The following CRELD2 variants were observed in gnomAD, a reference collection of about 807,000 sequenced individuals.
The protein encoded by CRELD2 is CRELD disulfide isomerase 2.
In CRELD2, 33 loss-of-function variants were observed where a neutral mutation model predicts 48.1. That is an observed-to-expected ratio of 0.69 (90% confidence interval 0.52 to 0.92). The LOEUF (loss-of-function observed/expected upper bound fraction) is 0.92. CRELD2 is among the 40% of genes least tolerant of loss of function. The pLI is 0.00. For synonymous variants in CRELD2, 220 were observed against 203.9 expected, an observed-to-expected ratio of 1.08 and a Z score of -0.67; for missense variants, 477 against 482.4, an observed-to-expected ratio of 0.99 and a Z score of 0.10.
At chr22:49,926,623 C>CCCCTCTTGCCCCTCCCTCCCCCCACCCCG (rs2060767435) in intron 9 of CRELD2, 2 of 83,082 alleles carry the variant, frequency 2.4e-5, no homozygotes, top group Non-Finnish European at 5.1e-5. Context: ...CCCCCACCCT[C>CCCCTCTTGCCCCTCCCTCCCCCCACCCCG]GGTCCCCTCT....
rs201724572 is a variant in CRELD2, at chr22:49,922,579, G to A, written c.593-33G>A. Reference sequence around the variant, plus strand: ...GTCCCCAAGCTGGTACCTGAGAGTGGGGTTTGTACCCAGGCCCGCCTTTGC... The same window carrying A: ...GTCCCCAAGCTGGTACCTGAGAGTGAGGTTTGTACCCAGGCCCGCCTTTGC... On this transcript the variant is annotated intron_variant, in intron 5 of 9. Transcript: ENST00000328268. The A allele has an allele frequency of 1.7e-3, 2,537 of 1,506,664 alleles. 4 individuals carry two copies. The highest frequency in any genetic ancestry group is 2.1e-3 in the Non-Finnish European group (2,373 of 1,116,456). 93.3% of individuals were successfully genotyped at this position (1,506,664 alleles called of 1,614,324 possible).
In CRELD2 at chr22:49,922,090, C is replaced by T. The variant is rs1210335225; in HGVS notation, c.592+329C>T. On this transcript the variant is annotated intron_variant, in intron 5 of 9. Transcript: ENST00000328268. ...GTGGGCCCCGCACCGGCCCAGAGAG[C>T]AGCATCTGTCAAATCCCTGCAGGCC... 7.8e-6 allele frequency: 5 copies of T among 643,254 alleles called. No individual in the cohort carries two copies. In the East Asian group the frequency reaches 1.1e-4, roughly 14 times the overall value. The allele number at this position is 643,254 out of a possible 1,614,324, so 39.8% of individuals were successfully genotyped here. A position where few individuals can be genotyped will look rare whatever the true frequency, so the allele number is the denominator to read the frequency against.
intron 6 of CRELD2, 172 bp from the exon 7 acceptor site, chr22:49,923,062 G>A (rs1286017008): frequency 3.3e-5 from 20 of 600,662 alleles, no homozygotes; most frequent in East Asian, 8.5e-5. Context: ...CTCCCCTGCC[G>A]CGTGGGGCCT....
intron 4 of CRELD2, 23 bp from the exon 5 acceptor site, chr22:49,921,562 G>A: frequency 6.2e-7 from 1 of 1,607,622 alleles, no homozygotes; most frequent in Non-Finnish European, 8.5e-7. Flanking sequence ...TGTGCTCTGA[G>A]CATGGTTTTG....
At chr22:49,923,461 G>T in intron 7 of CRELD2, 144 bp downstream of exon 7, 1 of 729,516 alleles carries the variant, frequency 1.4e-6, no homozygotes, top group Non-Finnish European at 2.4e-6. Flanking sequence ...TAAGTCATAG[G>T]TATTTGCTGC....
intron 2 of CRELD2, among the ~76,000 whole-genome samples, 154 bp from the exon 3 acceptor site, chr22:49,919,576 C>T (rs996977677): frequency 2.7e-5 from 4 of 150,824 alleles, no homozygotes; most frequent in Admixed American, 6.5e-5. Flanking sequence ...TTGTGGGAAC[C>T]GCTCCTGGCT....
intron 8 of CRELD2, chr22:49,925,171 C>T (rs565758832): frequency 1.6e-4 from 56 of 354,742 alleles, no homozygotes; most frequent in African/African-American, 9.0e-4. Flanking sequence ...GCTTCCTGGG[C>T]GCATGCTGGC....
rs2060638404 is a variant in CRELD2 at position 49,918,677 on chromosome 22, C to T, written c.-93C>T. 2.4e-6 allele frequency: 1 copy of T among 420,588 alleles called. No individual in the cohort carries two copies. The highest frequency in any genetic ancestry group is 4.1e-5 in the East Asian group (1 of 24,414). The allele number at this position is 420,588 out of a possible 1,614,324, so 26.1% of individuals were successfully genotyped here. A position where few individuals can be genotyped will look rare whatever the true frequency, so the allele number is the denominator to read the frequency against. ...TCAAGTAGCCTGGGGGACAGGCCGG[C>T]GCGGCTGGGAGCGGGTGGGCGGCCG... is the stretch of plus-strand genomic sequence containing the variant. On this transcript the variant is annotated 5_prime_UTR_variant, in exon 1 of 10. Coordinates refer to ENST00000328268, the MANE Select transcript of CRELD2 (RefSeq NM_024324.5).
chr22:49,919,476 C>T (rs9616385), intron 2 of CRELD2, among the ~76,000 whole-genome samples, 164 bp downstream of exon 2: 35,004 of 152,184 alleles, frequency 0.23, 4,466 homozygotes, highest in African/African-American at 0.34. Flanking sequence ...TAATGGCTGG[C>T]CCCTCTCTGG....
chr22:49,921,774 C>A lies in CRELD2; in HGVS notation c.592+13C>A. 6.3e-7 allele frequency: 1 copy of A among 1,597,646 alleles called. No homozygotes were observed. Among genetic ancestry groups the A allele is most frequent in the Non-Finnish European group, 8.6e-7 (1 of 1,168,964 alleles). On this transcript the variant is annotated intron_variant, in intron 5 of 9. Transcript: ENST00000328268. ...AGCATCTGCACAGGTACGGGCTACG[C>A]CTGGGCTGGCCCCGGGGTTGAGGCG...
rs370661738 is a variant in CRELD2 at position 49,921,595 on chromosome 22, C to T, written c.426C>T (p.Gly142=). The part of the protein sequence containing the change: ...TYGPDCLACQ[G]GSQRPCSGNG... ...TTGTGTCCCCTAAAGCATGCCAGGG[C>T]GGATCCCAGAGGCCCTGCAGCGGGA... is the stretch of plus-strand genomic sequence containing the variant. Residue 142 remains glycine (G), a synonymous_variant, in exon 5 of 10, where the codon GGC becomes GGT. Transcript: ENST00000328268. 8.8e-5 allele frequency: 142 copies of T among 1,612,324 alleles called. 1 individual carries two copies. The South Asian group carries it at 1.3e-3, about 15-fold the overall frequency.
At chr22:49,920,084 AC>A in intron 3 of CRELD2, 71 bp from the exon 4 acceptor site, 1 of 1,003,256 alleles carries the variant, frequency 1.0e-6, no homozygotes, top group South Asian at 1.3e-5. Flanking sequence ...AGCATATGTT[AC>A]GTTCAGCTGC....
chr22:49,925,582 A>G (rs370680123), intron 9 of CRELD2, 25 bp downstream of exon 9: 5 of 1,612,354 alleles, frequency 3.1e-6, no homozygotes, highest in Non-Finnish European at 4.2e-6. Context: ...TGCCCTCCAC[A>G]CAGGCTGCCC....
At chr22:49,923,169 C>T (rs899730220) in intron 6 of CRELD2, 65 bp from the exon 7 acceptor site, 17 of 1,311,952 alleles carry the variant, frequency 1.3e-5, no homozygotes, top group African/African-American at 1.5e-5. Context: ...AGGCCATGAT[C>T]GGTCCTTCCC....
intron 9 of CRELD2, chr22:49,925,764 A>G: frequency 7.2e-7 from 1 of 1,396,508 alleles, no homozygotes; most frequent in Non-Finnish European, 9.3e-7. Flanking sequence ...CCCCAGGTTC[A>G]CAGCTCAAAC....
intron 6 of CRELD2, 160 bp from the exon 7 acceptor site, chr22:49,923,074 C>T (rs947711834): frequency 1.9e-5 from 12 of 618,878 alleles, no homozygotes; most frequent in South Asian, 4.2e-5. Flanking sequence ...GTGGGGCCTC[C>T]GAGGATGGCA....
chr22:49,924,163 C>G (rs766430586), intron 7 of CRELD2, 197 bp from the exon 8 acceptor site: 7 of 506,814 alleles, frequency 1.4e-5, no homozygotes, highest in Non-Finnish European at 2.5e-5. Context: ...CCATGGCTCT[C>G]CGGGAGCACC....
rs200129132 is a variant in CRELD2, at chr22:49,922,425, A to G, written c.593-187A>G. 160 of 1,601,212 alleles carry G rather than the reference A, an allele frequency of 1.0e-4. No homozygotes were observed. The African/African-American group carries it at 1.8e-3, about 18-fold the overall frequency. On this transcript the variant is annotated intron_variant, in intron 5 of 9. Coordinates refer to ENST00000328268, the MANE Select transcript of CRELD2 (RefSeq NM_024324.5). ...GCCAGGCTACAGCTCCAGAGTATGGATAGCTGCCTTCTCTCCAGGTTATTA... is the reference window on the plus strand; with the variant it reads ...GCCAGGCTACAGCTCCAGAGTATGGGTAGCTGCCTTCTCTCCAGGTTATTA...
At position 49,920,247 on chromosome 22, in the gene CRELD2, G is replaced by C. The variant is rs11545765; in HGVS notation, c.415G>C (p.Ala139Pro). The C allele has an allele frequency of 1.9e-6, 3 of 1,602,392 alleles. No homozygotes were observed. The highest frequency in any genetic ancestry group is 1.1e-5 in the South Asian group (1 of 90,804). ...SPGTYGPDCL[A>P]CQGGSQRPCS... ...AGGAACCTACGGTCCCGACTGTCTC[G>C]GTGCGTTTCTCCTCAGGGAAATCCC... is the stretch of plus-strand genomic sequence containing the variant. The change falls in exon 4 of 10, where the codon GCA becomes CCA. Residue 139 changes from alanine (A) to proline (P), a missense_variant and splice_region_variant. By Grantham distance (27) the Ala-to-Pro change is conservative. Coordinates refer to ENST00000328268, the MANE Select transcript of CRELD2 (RefSeq NM_024324.5).
Sources: allele counts gnomAD v4.1 joint callset (sites outside exome capture counted in the v4.1 genomes callset), GRCh38; gene constraint gnomAD v4.1.1; transcripts MANE v1.5; gene names NCBI Gene and HGNC (gene_info 2026-07-23, HGNC 2026-07-21).